Variants in ROBO1 observed in about 807,000 individuals in gnomAD.
ROBO1 encodes roundabout guidance receptor 1.
Under a neutral mutation model 195.9 loss-of-function variants are expected in ROBO1, and 149 were observed. That is an observed-to-expected ratio of 0.76 (90% CI 0.67 to 0.87). The LOEUF (loss-of-function observed/expected upper bound fraction) is 0.87. Among genes scored for constraint, ROBO1 ranks in the 40% least tolerant of loss-of-function variants. The pLI, the probability that ROBO1 is intolerant of heterozygous loss-of-function variation, is 0.00. For synonymous variants in ROBO1, 816 were observed against 733.2 expected, an observed-to-expected ratio of 1.11 and a Z score of -1.82; for missense variants, 1,933 against 2,068.3, an observed-to-expected ratio of 0.93 and a Z score of 1.27.
intron 1 of ROBO1, among the ~76,000 whole-genome samples, chr3:79,727,470 G>C (rs1010819362): frequency 6.6e-6 from 1 of 151,988 alleles, no homozygotes; most frequent in Non-Finnish European, 1.5e-5. Flanking sequence ...ATTTAGTCTG[G>C]AATCATTTAA....
At chr3:79,508,498 A>T (rs1940531472) in intron 2 of ROBO1, among the ~76,000 whole-genome samples, 1 of 152,198 alleles carries the variant, frequency 6.6e-6, no homozygotes, top group African/African-American at 2.4e-5. Flanking sequence ...TAATACACTC[A>T]GTAACAAAGA....
intron 2 of ROBO1, among the ~76,000 whole-genome samples, chr3:79,423,961 C>A (rs559571390): frequency 2.6e-5 from 4 of 151,922 alleles, no homozygotes; most frequent in Admixed American, 6.6e-5. Context: ...CTCTTTATTG[C>A]TGAAGGTACC....
rs2033145301 is a variant in ROBO1, at chr3:78,840,897, G to GA, written c.500-93998dup. 2.6e-5 allele frequency among the ~76,000 whole-genome samples: 4 copies of GA among 151,178 alleles called. No homozygotes were observed. The South Asian group carries it at 6.3e-4, about 24-fold the overall frequency. The stretch of plus-strand genomic sequence containing the variant: ...AACATGGTGAAACCCCATCTCTACT[G>GA]AAAAAATACAAAAAATTAGCTGGGC... On this transcript the variant is annotated intron_variant, in intron 4 of 30. Transcript: ENST00000464233.
chr3:79,377,852 T>C (rs1368479987), intron 2 of ROBO1, among the ~76,000 whole-genome samples: 2 of 152,172 alleles, frequency 1.3e-5, no homozygotes, highest in Admixed American at 1.3e-4. Context: ...AAGATAAACC[T>C]AAAACTATTT....
intron 4 of ROBO1, among the ~76,000 whole-genome samples, chr3:78,889,518 G>A (rs1055524568): frequency 2.0e-5 from 3 of 152,160 alleles, no homozygotes; most frequent in African/African-American, 7.2e-5. Flanking sequence ...TACAGTGATT[G>A]ATGCACACAT....
At chr3:78,884,860 C>CTT (rs559075130) in intron 4 of ROBO1, among the ~76,000 whole-genome samples, 2 of 88,042 alleles carry the variant, frequency 2.3e-5, no homozygotes, top group Non-Finnish European at 2.1e-5. Flanking sequence ...CTCTCTCTCT[C>CTT]TCTTTCTGTG....
At chr3:79,614,212 C>A (rs1944750690) in intron 1 of ROBO1, among the ~76,000 whole-genome samples, 1 of 152,046 alleles carries the variant, frequency 6.6e-6, no homozygotes, top group African/African-American at 2.4e-5. Context: ...TTTTCAACTA[C>A]ACATGACACA....
chr3:79,687,509 A>G (rs1283082949), intron 1 of ROBO1, among the ~76,000 whole-genome samples: 1 of 152,132 alleles, frequency 6.6e-6, no homozygotes, highest in African/African-American at 2.4e-5. Flanking sequence ...TCTACAATGA[A>G]CTCAAACAAA....
intron 1 of ROBO1, among the ~76,000 whole-genome samples, chr3:79,763,055 G>T (rs1158920743): frequency 6.6e-6 from 1 of 152,166 alleles, no homozygotes; most frequent in Non-Finnish European, 1.5e-5. Context: ...GATACCTGTG[G>T]CTTTGAATGC....
intron 2 of ROBO1, among the ~76,000 whole-genome samples, chr3:79,357,301 T>G (rs1344155654): frequency 2.0e-5 from 3 of 152,146 alleles, no homozygotes; most frequent in Non-Finnish European, 2.9e-5. Context: ...CCACCCTGTT[T>G]GTAAGTTAAG....
At chr3:78,899,596 T>C (rs1226544466) in intron 4 of ROBO1, among the ~76,000 whole-genome samples, 2 of 152,160 alleles carry the variant, frequency 1.3e-5, no homozygotes, top group Non-Finnish European at 2.9e-5. Flanking sequence ...GGCATTGCTA[T>C]AAAGTAACAG....
intron 1 of ROBO1, among the ~76,000 whole-genome samples, chr3:79,606,745 A>ACCACCT (rs111403096): frequency 0.19 from 28,318 of 151,718 alleles, 2,992 homozygotes; most frequent in African/African-American, 0.29. Flanking sequence ...GGCCACTTAG[A>ACCACCT]CCACCTGTGT....
chr3:79,707,686 G>A (rs946037357), intron 1 of ROBO1, among the ~76,000 whole-genome samples: 1 of 151,808 alleles, frequency 6.6e-6, no homozygotes, highest in African/African-American at 2.4e-5. Flanking sequence ...TTTTTTGTAT[G>A]TTTAGTAGAG....
intron 2 of ROBO1, among the ~76,000 whole-genome samples, chr3:79,460,584 G>T (rs1335324025): frequency 6.6e-6 from 1 of 151,980 alleles, no homozygotes; most frequent in Non-Finnish European, 1.5e-5. Flanking sequence ...ATCAGATAAA[G>T]CACTTAAAAT....
At chr3:79,194,224 G>A (rs774288722) in intron 2 of ROBO1, among the ~76,000 whole-genome samples, 24 of 151,726 alleles carry the variant, frequency 1.6e-4, no homozygotes, top group African/African-American at 4.3e-4. Context: ...ATGGTAAAGC[G>A]CTTTGTTTTT....
At chr3:78,959,169 T>A (rs1041678064) in intron 3 of ROBO1, among the ~76,000 whole-genome samples, 3 of 152,098 alleles carry the variant, frequency 2.0e-5, no homozygotes, top group African/African-American at 7.2e-5. Context: ...AAAAAATTAA[T>A]CATAGTAACT....
At chr3:79,626,266 G>A (rs1945176086) in intron 1 of ROBO1, among the ~76,000 whole-genome samples, 1 of 152,114 alleles carries the variant, frequency 6.6e-6, no homozygotes, top group Non-Finnish European at 1.5e-5. Flanking sequence ...TGAACATGGT[G>A]AAACCCTGTC....
intron 3 of ROBO1, among the ~76,000 whole-genome samples, chr3:78,993,620 C>T (rs751235833): frequency 6.6e-6 from 1 of 152,138 alleles, no homozygotes; most frequent in African/African-American, 2.4e-5. Context: ...GACTAGACCT[C>T]GTCATCTCAC....
rs184079026 is a variant in ROBO1 at position 79,433,275 on chromosome 3, C to T, written c.88+156549G>A. ...AGCTCCCACTTAAAAGTAGAACATG[C>T]GGTATTTGGTTTTATGTTCCTGTGT... On this transcript the variant is annotated intron_variant, in intron 2 of 30. Coordinates refer to ENST00000464233, the MANE Select transcript of ROBO1 (RefSeq NM_002941.4). Among the ~76,000 whole-genome samples the T allele has an allele frequency of 6.6e-5, 10 of 152,226 alleles. No homozygotes were observed. In the East Asian group the frequency reaches 9.6e-4, roughly 15 times the overall value.
Sources: allele counts gnomAD v4.1 joint callset (sites outside exome capture counted in the v4.1 genomes callset), GRCh38; gene constraint gnomAD v4.1.1; transcripts MANE v1.5; gene names NCBI Gene and HGNC (gene_info 2026-07-23, HGNC 2026-07-21).